Variants in CAMKMT observed in about 807,000 individuals in gnomAD.
The protein encoded by CAMKMT is CaM KMT.
Under a neutral mutation model 48.0 loss-of-function variants are expected in CAMKMT, and 53 were observed. The observed-to-expected ratio is 1.10, with a 90% CI of 0.89 to 1.39. The LOEUF is 1.39. CAMKMT is among the 40% of genes most tolerant of loss of function. The pLI is 0.00. For missense variants in CAMKMT, 428 were observed against 402.7 expected (o/e 1.06, Z -0.54); for synonymous variants, 165 against 152.3 (o/e 1.08, Z -0.61).
chr2:44,745,547 AG>A (rs1389184162), intron 8 of CAMKMT, among the ~76,000 whole-genome samples: 1 of 152,360 alleles, frequency 6.6e-6, no homozygotes, highest in Admixed American at 6.5e-5. Flanking sequence ...ACACACACAT[AG>A]ATACACATCT....
At chr2:44,543,363 G>A (rs1667234853) in intron 3 of CAMKMT, among the ~76,000 whole-genome samples, 1 of 152,110 alleles carries the variant, frequency 6.6e-6, no homozygotes, top group Non-Finnish European at 1.5e-5. Flanking sequence ...CTGTATTAAA[G>A]CAATGAATTA....
rs1678120567 is a variant in CAMKMT, at chr2:44,715,346, T to C, written c.616T>C (p.Ser206Pro). 1.2e-6 allele frequency: 2 copies of C among 1,612,220 alleles called. No homozygotes were observed. Among genetic ancestry groups the C allele is most frequent in the Non-Finnish European group, 1.7e-6 (2 of 1,178,750 alleles). ...TGGTGTGTTTAAGACCCAGAAAATA[T>C]CAAGCTGGTAAGATACCTTTCTGCA... ...KAGVFKTQKI[S>P]SCVLRWDNET... is the part of the protein sequence containing the mutation. The change falls in exon 7 of 11, where the codon TCA (serine) becomes CCA (proline). Residue 206 changes from serine to proline, a missense_variant. Physicochemically the swap from Ser to Pro is moderately conservative, Grantham distance 74. Transcript: ENST00000378494.
At chr2:44,498,491 T>C (rs1669862298) in intron 3 of CAMKMT, among the ~76,000 whole-genome samples, 1 of 152,200 alleles carries the variant, frequency 6.6e-6, no homozygotes, top group Non-Finnish European at 1.5e-5. Context: ...TAGCTAAATA[T>C]ATTCATTAGT....
intron 1 of CAMKMT, among the ~76,000 whole-genome samples, chr2:44,363,746 A>G (rs566331564): frequency 2.7e-5 from 4 of 147,734 alleles, no homozygotes; most frequent in Admixed American, 6.7e-5. Flanking sequence ...CGTGAGTGCA[A>G]TGGCGCAATC....
intron 3 of CAMKMT, chr2:44,393,258 A>T (rs1681518905): frequency 6.6e-6 from 1 of 152,106 alleles, no homozygotes; most frequent in Non-Finnish European, 1.5e-5. Flanking sequence ...AGAAAAGATA[A>T]TTTTTTTGTA....
chr2:44,494,688 A>G (rs1296561536), intron 3 of CAMKMT, among the ~76,000 whole-genome samples: 2 of 152,266 alleles, frequency 1.3e-5, no homozygotes, highest in Non-Finnish European at 2.9e-5. Context: ...TAAAGAACAC[A>G]GGTTAGAGTT....
intron 3 of CAMKMT, among the ~76,000 whole-genome samples, chr2:44,420,295 CT>C (rs1213101787): frequency 6.6e-6 from 1 of 152,074 alleles, no homozygotes; most frequent in Non-Finnish European, 1.5e-5. Flanking sequence ...TTAATATTTA[CT>C]GTTGCTTTCA....
chr2:44,436,954 C>G (rs1317234468), intron 3 of CAMKMT, among the ~76,000 whole-genome samples: 1 of 152,082 alleles, frequency 6.6e-6, no homozygotes, highest in East Asian at 1.9e-4. Context: ...CATTTCATAA[C>G]AGATAAAATG....
intron 3 of CAMKMT, among the ~76,000 whole-genome samples, chr2:44,400,330 C>T (rs1443113205): frequency 6.6e-6 from 1 of 151,754 alleles, no homozygotes; most frequent in East Asian, 1.9e-4. Flanking sequence ...ATAAAAATGT[C>T]GATTTTTCAG....
chr2:44,509,183 A>G (rs1487479848), intron 3 of CAMKMT, among the ~76,000 whole-genome samples: 1 of 152,038 alleles, frequency 6.6e-6, no homozygotes, highest in Non-Finnish European at 1.5e-5. Flanking sequence ...CTAATGAGGG[A>G]CTGAGCCAGG....
chr2:44,577,222 G>T (rs1431826703), intron 3 of CAMKMT, among the ~76,000 whole-genome samples: 1 of 152,284 alleles, frequency 6.6e-6, no homozygotes, highest in Admixed American at 6.5e-5. Flanking sequence ...ACTTTCAAAG[G>T]AGTGAAGGAC....
intron 3 of CAMKMT, among the ~76,000 whole-genome samples, chr2:44,606,525 A>C (rs1282392920): frequency 6.6e-6 from 1 of 152,210 alleles, no homozygotes; most frequent in Non-Finnish European, 1.5e-5. Flanking sequence ...TTAGCCTATC[A>C]GTAGTGAAAT....
chr2:44,704,498 A>C (rs566499467), intron 4 of CAMKMT, among the ~76,000 whole-genome samples, 155 bp downstream of exon 4: 1 of 152,304 alleles, frequency 6.6e-6, no homozygotes, highest in South Asian at 2.1e-4. Flanking sequence ...GAGGGGAAAA[A>C]GTTCACAGTG....
intron 3 of CAMKMT, among the ~76,000 whole-genome samples, chr2:44,578,090 T>C (rs1173877649): frequency 6.6e-6 from 1 of 152,166 alleles, no homozygotes; most frequent in Non-Finnish European, 1.5e-5. Context: ...TTGTGTCAAT[T>C]TGGTTTCTAG....
chr2:44,692,154 T>C (rs1194310552), intron 3 of CAMKMT, among the ~76,000 whole-genome samples: 3 of 152,152 alleles, frequency 2.0e-5, no homozygotes, highest in Non-Finnish European at 4.4e-5. Flanking sequence ...GGAATAATAA[T>C]ATCCCTGAAA....
chr2:44,708,211 A>ATTTTTT (rs59281575), intron 6 of CAMKMT, among the ~76,000 whole-genome samples: 20,496 of 67,968 alleles, frequency 0.3, 4,763 homozygotes, highest in East Asian at 0.47. Context: ...TTTGCTTTGG[A>ATTTTTT]TTTTTTTTTT....
chr2:44,540,241 A>G (rs527914887), intron 3 of CAMKMT, among the ~76,000 whole-genome samples: 3 of 151,990 alleles, frequency 2.0e-5, no homozygotes, highest in East Asian at 1.9e-4. Context: ...TGCTTTCATT[A>G]TTTATTTTGA....
At chr2:44,720,975 A>G (rs1273760091) in intron 7 of CAMKMT, among the ~76,000 whole-genome samples, 1 of 152,028 alleles carries the variant, frequency 6.6e-6, no homozygotes, top group Non-Finnish European at 1.5e-5. Context: ...TACTTCCATT[A>G]TGTTTTACTA....
chr2:44,403,508 C>T (rs773759012), intron 3 of CAMKMT, among the ~76,000 whole-genome samples: 1 of 152,228 alleles, frequency 6.6e-6, no homozygotes, highest in Non-Finnish European at 1.5e-5. Flanking sequence ...TCCTTGTACT[C>T]TACTCGTAGA....
Sources: gnomAD v4.1 joint callset for allele counts (sites outside exome capture counted in the v4.1 genomes callset) on GRCh38, gnomAD v4.1.1 for gene constraint, MANE v1.5 for transcripts, NCBI Gene and HGNC (gene_info 2026-07-23, HGNC 2026-07-21) for gene names.